Variants in RPS6KA2 observed in about 807,000 individuals in gnomAD.
RPS6KA2 encodes ribosomal protein S6 kinase alpha-2.
RPS6KA2 carries 42 observed loss-of-function variants against 91.8 expected under a neutral mutation model. The ratio of observed to expected loss-of-function variants is 0.46; its 90% CI spans 0.36 to 0.59. The LOEUF is 0.59. Among genes scored for constraint, RPS6KA2 ranks in the 20% least tolerant of loss-of-function variants. The pLI is 0.00. For missense variants in RPS6KA2, 798 were observed against 978.5 expected, an observed-to-expected ratio of 0.82 and a Z score of 2.46; for synonymous variants, 414 against 393.6, an observed-to-expected ratio of 1.05 and a Z score of -0.61.
At chr6:166,480,236 T>G (rs1176220983) in intron 10 of RPS6KA2, among the ~76,000 whole-genome samples, 1 of 151,958 alleles carries the variant, frequency 6.6e-6, no homozygotes, top group Non-Finnish European at 1.5e-5. Context: ...TGTGCCTCTG[T>G]GCTAACTTGA....
chr6:166,792,772 G>C (rs1291530782), intron 2 of RPS6KA2, among the ~76,000 whole-genome samples: 1 of 152,150 alleles, frequency 6.6e-6, no homozygotes, highest in African/African-American at 2.4e-5. Flanking sequence ...TATCTCAATA[G>C]ATGCAGAAAA....
intron 17 of RPS6KA2, among the ~76,000 whole-genome samples, chr6:166,421,686 C>T (rs996241247): frequency 1.3e-5 from 2 of 152,146 alleles, no homozygotes; most frequent in African/African-American, 2.4e-5. Context: ...AGGATGACTC[C>T]TTCTCTGGGC....
chr6:166,744,201 T>G (rs147977267), intron 2 of RPS6KA2, among the ~76,000 whole-genome samples: 4 of 152,386 alleles, frequency 2.6e-5, no homozygotes, highest in Admixed American at 2.6e-4. Context: ...CGACCTGGAT[T>G]TTCCTTTTTA....
At chr6:166,784,645 G>T (rs4994275) in intron 2 of RPS6KA2, among the ~76,000 whole-genome samples, 1,841 of 5,198 alleles carry the variant, frequency 0.35, 808 homozygotes, top group South Asian at 0.53. Context: ...CACCTATGCA[G>T]AACCACATAT....
chr6:166,746,124 C>G (rs1357478113), intron 2 of RPS6KA2, among the ~76,000 whole-genome samples: 1 of 152,204 alleles, frequency 6.6e-6, no homozygotes, highest in Non-Finnish European at 1.5e-5. Context: ...AGCAAAGAAG[C>G]CAGTGGACAG....
upstream of RPS6KA2, among the ~76,000 whole-genome samples, chr6:166,630,615 G>A (rs1377060395): frequency 1.3e-5 from 2 of 152,216 alleles, no homozygotes; most frequent in African/African-American, 4.8e-5. Context: ...CGAAGGCTCT[G>A]CCCATCACAG....
intron 2 of RPS6KA2, among the ~76,000 whole-genome samples, chr6:166,647,502 C>T (rs548375018): frequency 5.9e-5 from 9 of 152,310 alleles, no homozygotes; most frequent in Admixed American, 1.3e-4. Flanking sequence ...TACTCTACAC[C>T]GTCAATAATT....
chr6:166,413,800 C>G lies in RPS6KA2; in HGVS notation c.2070G>C (p.Leu690=). 1 of 1,614,094 alleles carries G rather than the reference C, an allele frequency of 6.2e-7. No homozygotes were observed. The highest frequency in any genetic ancestry group is 2.2e-5 in the East Asian group (1 of 44,872). Reference sequence around the variant, plus strand: ...CACTGTCGCCTGCCGGTACCTTCACCAGGTGCACGTCCTGTCGGCTGAGCT... The same window carrying G: ...CACTGTCGCCTGCCGGTACCTTCACGAGGTGCACGTCCTGTCGGCTGAGCT... ...PNQLSRQDVH[L]VKGAMAATYF... is the part of the protein sequence containing the mutation. Residue 690 remains leucine, a synonymous_variant, in exon 20 of 21, where the codon CTG becomes CTC. Transcript: ENST00000265678.
intron 2 of RPS6KA2, among the ~76,000 whole-genome samples, chr6:166,652,007 T>C (rs1358461215): frequency 6.6e-6 from 1 of 152,250 alleles, no homozygotes; most frequent in Non-Finnish European, 1.5e-5. Context: ...ACTAACCCTT[T>C]ATTTACTTCT....
At chr6:166,454,356 GGC>G (rs1780018442) in intron 12 of RPS6KA2, among the ~76,000 whole-genome samples, 1 of 152,110 alleles carries the variant, frequency 6.6e-6, no homozygotes, top group African/African-American at 2.4e-5. Flanking sequence ...AAATTAGCCA[GGC>G]GGGGTGGCGC....
chr6:166,651,265 T>C (rs538919305), intron 2 of RPS6KA2, among the ~76,000 whole-genome samples: 1 of 152,232 alleles, frequency 6.6e-6, no homozygotes, highest in African/African-American at 2.4e-5. Context: ...CTGCAAGCAT[T>C]TGTACAATTC....
exon 1 of RPS6KA2, chr6:166,862,268 G>T: frequency 6.3e-7 from 1 of 1,594,406 alleles, no homozygotes; most frequent in Non-Finnish European, 8.5e-7. Flanking sequence ...ACGGGATGTC[G>T]GAAGCCAAGG....
chr6:166,705,183 T>C lies in RPS6KA2; in HGVS notation c.123+153017A>G, dbSNP rs558637808. Reference sequence around the variant, plus strand: ...AACATGTCAATACCTCTTGCAGGATTTCCTAACTCCACAGATGGTATCCGT... The same window carrying C: ...AACATGTCAATACCTCTTGCAGGATCTCCTAACTCCACAGATGGTATCCGT... On this transcript the variant is annotated intron_variant, in intron 2 of 21. Coordinates refer to the RPS6KA2 transcript ENST00000503859. Among the ~76,000 whole-genome samples the C allele has an allele frequency of 2.8e-4, 43 of 152,346 alleles. 1 individual carries two copies. In the South Asian group the frequency reaches 8.9e-3, roughly 32 times the overall value.
At chr6:166,775,405 C>A (rs545889166) in intron 2 of RPS6KA2, among the ~76,000 whole-genome samples, 1 of 152,096 alleles carries the variant, frequency 6.6e-6, no homozygotes, top group Non-Finnish European at 1.5e-5. Flanking sequence ...GAGAACACTC[C>A]GAGGCGCGTG....
chr6:166,563,678 TG>T lies in RPS6KA2; in HGVS notation c.100-24895del, dbSNP rs2128506631. On this transcript the variant is annotated intron_variant, in intron 1 of 20. Transcript: ENST00000265678. The surrounding 1 kb of genome is among the most constrained non-coding windows in gnomAD (Gnocchi z 4.1). ...GGGCAAGGTATCTGCTTAAAGACAT[TG>T]ATGGATTTTATGAAGAAAATATTTA... 6.6e-6 allele frequency among the ~76,000 whole-genome samples: 1 copy of T among 152,318 alleles called. No homozygotes were observed. The highest frequency in any genetic ancestry group is 2.4e-5 in the African/African-American group (1 of 41,586).
rs185761748 is a variant in RPS6KA2, at chr6:166,731,378, C to G, written c.123+126822G>C. Among the ~76,000 whole-genome samples the G allele has an allele frequency of 2.0e-5, 3 of 152,232 alleles. No individual in the cohort carries two copies. The East Asian group carries it at 5.8e-4, about 29-fold the overall frequency. On this transcript the variant is annotated intron_variant, in intron 2 of 21. Transcript: ENST00000503859. ...ACTGCCCTAGTAAAGATCCCCCTAGCCATTAGAGACAATCAGCATTGGTCT... is the reference window on the plus strand; with the variant it reads ...ACTGCCCTAGTAAAGATCCCCCTAGGCATTAGAGACAATCAGCATTGGTCT...
intron 2 of RPS6KA2, among the ~76,000 whole-genome samples, chr6:166,830,352 G>A (rs1780156248): frequency 6.6e-6 from 1 of 152,132 alleles, no homozygotes; most frequent in Admixed American, 6.5e-5. Context: ...GTGGCTGAGG[G>A]AAGTGGAGAA....
At chr6:166,473,742 C>T (rs151018785) in intron 10 of RPS6KA2, among the ~76,000 whole-genome samples, 15 of 150,930 alleles carry the variant, frequency 9.9e-5, no homozygotes, top group Admixed American at 4.6e-4. Context: ...AACCCATCTC[C>T]GACACTTCTG....
Position 166,770,801 on chromosome 6 carries a change from T to A in RPS6KA2, c.123+87399A>T. On this transcript the variant is annotated intron_variant, in intron 2 of 21. Transcript: ENST00000503859. This position sits in a 1 kb window ranked among gnomAD's most constrained non-coding sequence, Gnocchi z 5.1. The stretch of plus-strand genomic sequence containing the variant: ...ATTGAAAAAGACTTCATGTTTAACT[T>A]AAAAAAAAAATGTAACTCACATAAG... The A allele has an allele frequency of 7.6e-7, 1 of 1,324,192 alleles. No homozygotes were observed. The highest frequency in any genetic ancestry group is 1.5e-5 in the African/African-American group (1 of 66,670). 82.0% of individuals were successfully genotyped at this position (1,324,192 alleles called of 1,614,324 possible).
Sources: allele counts gnomAD v4.1 joint callset (sites outside exome capture counted in the v4.1 genomes callset), GRCh38; gene constraint gnomAD v4.1.1; non-coding constraint Gnocchi (gnomAD v3.1); transcripts MANE v1.5; gene names NCBI Gene and HGNC (gene_info 2026-07-23, HGNC 2026-07-21).